REPS2: variants seen among roughly 807,000 people sequenced by gnomAD.
REPS2 encodes RALBP1 associated Eps domain containing 2.
REPS2 carries 23 observed loss-of-function variants against 53.6 expected under a neutral mutation model. The observed-to-expected ratio is 0.43, with a 90% CI of 0.31 to 0.61. The LOEUF (loss-of-function observed/expected upper bound fraction) is 0.61, where lower values mean the gene tolerates loss of function less well. Ranked by LOEUF, REPS2 falls within the 20% of genes least tolerant of loss-of-function variation. The pLI is 0.11. For synonymous variants in REPS2, 238 were observed against 218.6 expected (o/e 1.09, Z -0.78); for missense variants, 446 against 534.9 (o/e 0.83, Z 1.64).
intron 17 of REPS2, among the ~76,000 whole-genome samples, chrX:17,140,331 A>G (rs1458098047): frequency 1.8e-5 from 2 of 108,588 alleles, no homozygotes; most frequent in African/African-American, 6.7e-5. Flanking sequence ...GACATACCAT[A>G]CTCTCCTGGT....
intron 5 of REPS2, among the ~76,000 whole-genome samples, chrX:17,043,064 T>A (rs1299064968): frequency 1.8e-5 from 2 of 111,827 alleles, no homozygotes; most frequent in Non-Finnish European, 3.8e-5. Flanking sequence ...CCCAAAGTGC[T>A]GAGATTATGG....
At chrX:17,168,638 T>C in the REPS2 span, among the ~76,000 whole-genome samples, 2 of 112,067 alleles carry the variant, frequency 1.8e-5, no homozygotes, top group Non-Finnish European at 3.8e-5. Flanking sequence ...CTTCACTTCT[T>C]CACTCAATAT....
intron 1 of REPS2, among the ~76,000 whole-genome samples, chrX:16,989,978 G>T (rs2061141964): frequency 8.9e-6 from 1 of 112,342 alleles, no homozygotes; most frequent in South Asian, 3.7e-4. Context: ...ATAAATGCCA[G>T]TATGTGAATG....
intron 1 of REPS2, among the ~76,000 whole-genome samples, chrX:16,978,291 G>GTAC (rs1334596276): frequency 8.9e-6 from 1 of 111,935 alleles, no homozygotes; most frequent in Non-Finnish European, 1.9e-5. Context: ...GGATTACTGA[G>GTAC]TACTATCCTT....
chrX:17,102,551 C>T (rs2062823308), intron 13 of REPS2, among the ~76,000 whole-genome samples: 1 of 111,943 alleles, frequency 8.9e-6, no homozygotes, highest in African/African-American at 3.2e-5. Context: ...AGTTTTAACC[C>T]ACCGATGTGT....
chrX:16,977,989 G>T (rs1271139002), intron 1 of REPS2, among the ~76,000 whole-genome samples: 1 of 111,268 alleles, frequency 9.0e-6, no homozygotes, highest in Admixed American at 9.6e-5. Context: ...TCTCCATGTG[G>T]TATCTCATCC....
chrX:17,115,676 G>C (rs1374166813), intron 14 of REPS2, among the ~76,000 whole-genome samples: 3 of 112,154 alleles, frequency 2.7e-5, no homozygotes, highest in Non-Finnish European at 5.6e-5. Flanking sequence ...AGGTCCCTGC[G>C]GCCTTCCGCA....
At chrX:16,965,014 G>A (rs1374634516) in intron 1 of REPS2, among the ~76,000 whole-genome samples, 15 of 82,019 alleles carry the variant, frequency 1.8e-4, no homozygotes, top group South Asian at 6.9e-4. Flanking sequence ...CTCACCTCCC[G>A]GACGGGGCGG....
chrX:17,119,475 A>G (rs2063109586), intron 14 of REPS2, among the ~76,000 whole-genome samples: 1 of 112,155 alleles, frequency 8.9e-6, no homozygotes, highest in African/African-American at 3.2e-5. Flanking sequence ...GATGCCATAA[A>G]TTCATCTAAT....
chrX:16,979,290 A>G (rs916862763), intron 1 of REPS2, among the ~76,000 whole-genome samples: 2 of 111,942 alleles, frequency 1.8e-5, no homozygotes, highest in African/African-American at 6.5e-5. Flanking sequence ...ATGGGATAGG[A>G]GATGATCCAA....
chrX:17,132,631 G>A (rs2063308972), intron 14 of REPS2, among the ~76,000 whole-genome samples: 1 of 112,573 alleles, frequency 8.9e-6, no homozygotes, highest in Non-Finnish European at 1.9e-5. Context: ...TCCGCCTCCC[G>A]GCTTCAAGTG....
the REPS2 span, among the ~76,000 whole-genome samples, chrX:17,193,900 A>G: frequency 2.7e-5 from 3 of 111,671 alleles, no homozygotes; most frequent in African/African-American, 9.8e-5. Context: ...CAGGTGAGCT[A>G]TCAGTCATTT....
the REPS2 span, among the ~76,000 whole-genome samples, chrX:17,183,778 CTT>C: frequency 8.9e-6 from 1 of 112,107 alleles, no homozygotes; most frequent in Admixed American, 9.5e-5. Flanking sequence ...TCTTACTGAA[CTT>C]TGCTCACCTT....
chrX:17,193,302 G>A, the REPS2 span, among the ~76,000 whole-genome samples: 57 of 111,913 alleles, frequency 5.1e-4, no homozygotes, highest in Non-Finnish European at 1.1e-3. Flanking sequence ...GTGGCTTTGT[G>A]GTTGTATCTT....
chrX:17,079,919 A>G (rs1602950849), intron 13 of REPS2, among the ~76,000 whole-genome samples: 1 of 112,405 alleles, frequency 8.9e-6, no homozygotes, highest in East Asian at 2.8e-4. Flanking sequence ...ATATTGCTAG[A>G]AATTATCGAA....
the REPS2 span, among the ~76,000 whole-genome samples, chrX:17,161,175 C>T: frequency 9.0e-6 from 1 of 111,080 alleles, no homozygotes; most frequent in Non-Finnish European, 1.9e-5. Flanking sequence ...TAGGGGCCAC[C>T]AGAGGGCAGA....
chrX:17,103,177 A>G (rs2062830120), intron 13 of REPS2, among the ~76,000 whole-genome samples: 1 of 111,916 alleles, frequency 8.9e-6, no homozygotes, highest in Admixed American at 9.5e-5. Flanking sequence ...GTCTTTGAAG[A>G]ATCCCTAAAT....
the REPS2 span, among the ~76,000 whole-genome samples, chrX:17,173,614 A>G: frequency 2.7e-5 from 3 of 112,485 alleles, no homozygotes; most frequent in East Asian, 8.3e-4. Flanking sequence ...ACAGGGTGTG[A>G]ACATGAAGCT....
the REPS2 span, among the ~76,000 whole-genome samples, chrX:17,168,616 C>A: frequency 1.8e-5 from 2 of 111,895 alleles, no homozygotes; most frequent in Non-Finnish European, 3.8e-5. Context: ...TCCTCCATAT[C>A]TGTTTTACTG....
Sources: allele counts gnomAD v4.1 joint callset (sites outside exome capture counted in the v4.1 genomes callset), GRCh38; gene constraint gnomAD v4.1.1; transcripts MANE v1.5; gene names NCBI Gene and HGNC (gene_info 2026-07-23, HGNC 2026-07-21).